Variants in LVRN observed in about 807,000 individuals in gnomAD.
LVRN encodes aminopeptidase Q.
A neutral mutation model predicts 111.4 loss-of-function variants in LVRN; 99 were observed. The ratio of observed to expected loss-of-function variants is 0.89; its 90% confidence interval spans 0.76 to 1.05. The LOEUF (loss-of-function observed/expected upper bound fraction) is 1.05, where lower values mean the gene tolerates loss of function less well. Among genes scored for constraint, LVRN ranks in the 50% least tolerant of loss-of-function variants. The pLI is 0.00. For missense variants in LVRN, 1,414 were observed against 1,206.8 expected (o/e 1.17, Z -2.54); for synonymous variants, 488 against 449.5 (o/e 1.09, Z -1.08).
At chr5:115,984,080 A>T (rs554024341) in intron 2 of LVRN, among the ~76,000 whole-genome samples, 2 of 152,170 alleles carry the variant, frequency 1.3e-5, no homozygotes, top group South Asian at 4.1e-4. Context: ...AGGTACACCA[A>T]CCCATTTCAC....
At position 116,014,477 on chromosome 5, in the gene LVRN, T is replaced by G; in HGVS notation, c.2400T>G (p.Leu800=). The G allele has an allele frequency of 6.2e-7, 1 of 1,613,662 alleles. No homozygotes were observed. The highest frequency in any genetic ancestry group is 1.1e-5 in the South Asian group (1 of 91,046). ...TACWLGLEDC[L]QLSKELFAKW... is the part of the protein sequence containing the mutation. Reference sequence around the variant, plus strand: ...GTTGGTTGGGCCTTGAAGACTGCCTTCAGCTGTCAAAAGAACTTTTCGCAA... The same window carrying G: ...GTTGGTTGGGCCTTGAAGACTGCCTGCAGCTGTCAAAAGAACTTTTCGCAA... Residue 800 remains leucine (L), a synonymous_variant, in exon 16 of 20, where the codon CTT becomes CTG. Coordinates refer to ENST00000357872, the MANE Select transcript of LVRN (RefSeq NM_173800.5).
intron 10 of LVRN, 48 bp from the exon 11 acceptor site, chr5:116,002,787 G>A (rs774888912): frequency 7.3e-7 from 1 of 1,370,942 alleles, no homozygotes; most frequent in South Asian, 1.2e-5. Context: ...CAGAGTGTAT[G>A]TTTTTATGTG....
chr5:116,017,332 T>C (rs1748622727), intron 18 of LVRN, among the ~76,000 whole-genome samples: 1 of 152,216 alleles, frequency 6.6e-6, no homozygotes, highest in Non-Finnish European at 1.5e-5. Flanking sequence ...TTTTGTGTGC[T>C]CTTCATTGGT....
rs1748576438 is a variant in LVRN, at chr5:116,015,322, A to G, written c.2521A>G (p.Ile841Val). ...IALGSDKEWDILLNTYTNTTN... is the reference protein window; with the variant it reads ...IALGSDKEWDVLLNTYTNTTN... The stretch of plus-strand genomic sequence containing the variant: ...CTTGGGAAGTGATAAAGAGTGGGAC[A>G]TCTTGTTAAATACTTACACTAATAC... The change falls in exon 17 of 20, where the codon ATC (isoleucine) becomes GTC (valine). Residue 841 changes from isoleucine (I) to valine (V), a missense_variant. Transcript: ENST00000357872. 2.4e-5 allele frequency: 38 copies of G among 1,612,474 alleles called. No homozygotes were observed. Among genetic ancestry groups the G allele is most frequent in the Non-Finnish European group, 3.1e-5 (37 of 1,179,282 alleles).
chr5:115,988,062 G>C, intron 4 of LVRN, 123 bp downstream of exon 4: 1 of 1,334,834 alleles, frequency 7.5e-7, no homozygotes, highest in Admixed American at 2.3e-5. Context: ...CTGGTTTGGA[G>C]TTAGCCTCCT....
At position 116,015,251 on chromosome 5, in the gene LVRN, G is replaced by T; in HGVS notation, c.2451-1G>T. ...ATATCATTTTATGTTATATTTTACA[G>T]AATACCTTATCCAATTAAAGATGTG... On this transcript the variant is annotated splice_acceptor_variant, in intron 16 of 19. Transcript: ENST00000357872. LOFTEE classifies it high-confidence loss of function. 1 of 1,573,730 alleles carries T rather than the reference G, an allele frequency of 6.4e-7. No individual in the cohort carries two copies. Among genetic ancestry groups the T allele is most frequent in the South Asian group, 1.2e-5 (1 of 82,836 alleles).
At chr5:116,025,906 A>G in intron 19 of LVRN, 72 bp from the exon 20 acceptor site, 1 of 1,571,492 alleles carries the variant, frequency 6.4e-7, no homozygotes, top group South Asian at 1.2e-5. Context: ...GTTGCTACTT[A>G]GCATTTAGAC....
intron 6 of LVRN, among the ~76,000 whole-genome samples, chr5:115,999,511 C>T (rs180932611): frequency 6.6e-6 from 1 of 152,068 alleles, no homozygotes; most frequent in African/African-American, 2.4e-5. Flanking sequence ...CTTTTGGAAA[C>T]CACATTAACT....
At position 116,001,255 on chromosome 5, in the gene LVRN, C is replaced by G; in HGVS notation, c.1820+16C>G. On this transcript the variant is annotated intron_variant, in intron 10 of 19. Coordinates refer to ENST00000357872, the MANE Select transcript of LVRN (RefSeq NM_173800.5). ...TAACCAGCAAGTAGGTAGCTTTGCT[C>G]CTCTTTGTCTTCACCTTCCTTGGGG... The G allele has an allele frequency of 6.2e-7, 1 of 1,611,256 alleles. No homozygotes were observed. The highest frequency in any genetic ancestry group is 8.5e-7 in the Non-Finnish European group (1 of 1,179,152).
At chr5:115,970,296 T>G (rs535229144) in intron 1 of LVRN, among the ~76,000 whole-genome samples, 7 of 152,328 alleles carry the variant, frequency 4.6e-5, no homozygotes, top group African/African-American at 1.7e-4. Context: ...TAATTTGCGT[T>G]TTGTAGTGTT....
intron 4 of LVRN, among the ~76,000 whole-genome samples, 185 bp from the exon 5 acceptor site, chr5:115,991,938 G>C (rs1748000683): frequency 6.6e-6 from 1 of 152,090 alleles, no homozygotes; most frequent in Admixed American, 6.6e-5. Flanking sequence ...TGTTAACATA[G>C]TGAAAATAAT....
intron 4 of LVRN, among the ~76,000 whole-genome samples, chr5:115,988,187 C>A (rs1350119824): frequency 6.6e-6 from 1 of 152,200 alleles, no homozygotes; most frequent in Non-Finnish European, 1.5e-5. Flanking sequence ...TCTCTCCTGG[C>A]TACTCAATGG....
intron 6 of LVRN, 104 bp from the exon 7 acceptor site, chr5:115,999,658 T>G: frequency 7.9e-7 from 1 of 1,266,086 alleles, no homozygotes; most frequent in Non-Finnish European, 1.1e-6. Context: ...TTACTGAATT[T>G]TCTCCCTCTT....
chr5:115,968,596 C>T (rs1269944829), intron 1 of LVRN, among the ~76,000 whole-genome samples: 4 of 151,996 alleles, frequency 2.6e-5, no homozygotes, highest in African/African-American at 4.8e-5. Flanking sequence ...CCATCTGGTC[C>T]CCCACCCTTT....
chr5:116,020,513 A>AT lies in LVRN; in HGVS notation c.2757-1870dup, dbSNP rs545745792. On this transcript the variant is annotated intron_variant, in intron 18 of 19. Coordinates refer to ENST00000357872, the MANE Select transcript of LVRN (RefSeq NM_173800.5). ...TCTTACCCTCTTCACTAAGCACTTG[A>AT]TTTTTTTTCTCCACATGTTATTATA... is the stretch of plus-strand genomic sequence containing the variant. Among the ~76,000 whole-genome samples the AT allele has an allele frequency of 3.1e-4, 47 of 152,172 alleles. 1 individual carries two copies. In the East Asian group the frequency reaches 6.6e-3, roughly 21 times the overall value.
intron 1 of LVRN, among the ~76,000 whole-genome samples, chr5:115,976,974 A>G (rs6594925): frequency 0.86 from 131,407 of 152,128 alleles, 57,011 homozygotes; most frequent in African/African-American, 0.93. Flanking sequence ...TCACCCATCT[A>G]GTCTCCCTCT....
chr5:116,003,196 T>G (rs2112608308), intron 11 of LVRN, 45 bp from the exon 12 acceptor site: 1 of 1,503,214 alleles, frequency 6.7e-7, no homozygotes. Flanking sequence ...TATTAAGATC[T>G]TTTTTAAATG....
chr5:115,969,694 T>G (rs1753280878), intron 1 of LVRN, among the ~76,000 whole-genome samples: 1 of 150,324 alleles, frequency 6.7e-6, no homozygotes, highest in African/African-American at 2.4e-5. Context: ...CAGCTACTCA[T>G]GAGGCTGAGG....
In LVRN at chr5:115,999,921, T is replaced by C. The variant is rs777255205; in HGVS notation, c.1515+19T>C. 97 of 1,598,602 alleles carry C rather than the reference T, an allele frequency of 6.1e-5. No individual in the cohort carries two copies. The highest frequency in any genetic ancestry group is 7.7e-5 in the Non-Finnish European group (90 of 1,174,868). ...CAGCAAGGTAAAAGCAGTTAGAAAT[T>C]TCCTTTGGTTTTGTACTCTGGTAGA... On this transcript the variant is annotated intron_variant, in intron 7 of 19. Transcript: ENST00000357872.
Sources: gnomAD v4.1 joint callset for allele counts (sites outside exome capture counted in the v4.1 genomes callset) on GRCh38, gnomAD v4.1.1 for gene constraint, MANE v1.5 for transcripts, NCBI Gene and HGNC (gene_info 2026-07-23, HGNC 2026-07-21) for gene names.